Variants in CNTNAP2 observed in about 807,000 individuals in gnomAD.
CNTNAP2 encodes contactin associated protein 2, also known as contactin-associated protein-like 2.
Under a neutral mutation model 155.2 loss-of-function variants are expected in CNTNAP2, and 98 were observed. That is an observed-to-expected ratio of 0.63 (90% CI 0.54 to 0.75). The LOEUF is 0.75. Among genes scored for constraint, CNTNAP2 ranks in the 30% least tolerant of loss-of-function variants. The pLI, the probability that CNTNAP2 is intolerant of heterozygous loss-of-function variation, is 0.00. For missense variants in CNTNAP2, 1,727 were observed against 1,688.1 expected, an observed-to-expected ratio of 1.02 and a Z score of -0.40; for synonymous variants, 651 against 631.2, an observed-to-expected ratio of 1.03 and a Z score of -0.47.
chr7:147,031,747 A>C (rs1799037384), intron 3 of CNTNAP2, among the ~76,000 whole-genome samples: 1 of 152,144 alleles, frequency 6.6e-6, no homozygotes, highest in Non-Finnish European at 1.5e-5. Flanking sequence ...GTGAAACCTC[A>C]TCTCTACTAA....
chr7:148,014,673 G>C (rs758793974), intron 15 of CNTNAP2, among the ~76,000 whole-genome samples: 1 of 152,204 alleles, frequency 6.6e-6, no homozygotes, highest in Non-Finnish European at 1.5e-5. Context: ...TAAAGAGCTC[G>C]AAGAATGAAC....
chr7:146,330,914 G>A (rs1801173923), intron 1 of CNTNAP2, among the ~76,000 whole-genome samples: 1 of 152,124 alleles, frequency 6.6e-6, no homozygotes, highest in South Asian at 2.1e-4. Context: ...GAGGATTTCT[G>A]GAGAAAAGTA....
chr7:147,254,961 T>C (rs1459066882), intron 8 of CNTNAP2, among the ~76,000 whole-genome samples: 6 of 152,166 alleles, frequency 3.9e-5, no homozygotes, highest in Non-Finnish European at 1.5e-5. Context: ...AAATGTAGAA[T>C]TGCCTTTATT....
chr7:146,370,696 G>C (rs748158939), intron 1 of CNTNAP2, among the ~76,000 whole-genome samples: 6 of 151,850 alleles, frequency 4.0e-5, no homozygotes, highest in Non-Finnish European at 2.9e-5. Context: ...TAATATCAGC[G>C]TGCCTTGTTC....
At chr7:147,403,798 A>G (rs1796958416) in intron 10 of CNTNAP2, among the ~76,000 whole-genome samples, 1 of 152,154 alleles carries the variant, frequency 6.6e-6, no homozygotes, top group African/African-American at 2.4e-5. Flanking sequence ...CCATTGATCC[A>G]CTGGTAAGAC....
At chr7:147,632,672 G>A in intron 12 of CNTNAP2, among the ~76,000 whole-genome samples, 1 of 152,154 alleles carries the variant, frequency 6.6e-6, no homozygotes, top group South Asian at 2.1e-4. Flanking sequence ...TGGGTAGTGG[G>A]GTGCTGCTGT....
chr7:147,557,257 C>T (rs1169011788), intron 11 of CNTNAP2, among the ~76,000 whole-genome samples: 1 of 151,788 alleles, frequency 6.6e-6, no homozygotes, highest in Non-Finnish European at 1.5e-5. Context: ...GAGCCAGACT[C>T]CATCTCAAAA....
At chr7:147,864,957 C>T (rs1311972229) in intron 13 of CNTNAP2, among the ~76,000 whole-genome samples, 2 of 152,176 alleles carry the variant, frequency 1.3e-5, no homozygotes, top group East Asian at 1.9e-4. Context: ...TAATTCCCAA[C>T]ACTATGTTGA....
At chr7:147,778,783 T>A (rs1446406532) in intron 13 of CNTNAP2, among the ~76,000 whole-genome samples, 3 of 152,186 alleles carry the variant, frequency 2.0e-5, no homozygotes, top group Non-Finnish European at 2.9e-5. Context: ...AGTGCTGGGA[T>A]TACAGGCCTG....
At chr7:147,325,128 C>G (rs1218692064) in intron 9 of CNTNAP2, among the ~76,000 whole-genome samples, 1 of 151,932 alleles carries the variant, frequency 6.6e-6, no homozygotes, top group Non-Finnish European at 1.5e-5. Flanking sequence ...TATGGTGAAA[C>G]TCTGTACTAA....
chr7:147,332,159 A>G (rs1398786262), intron 9 of CNTNAP2, among the ~76,000 whole-genome samples: 1 of 152,194 alleles, frequency 6.6e-6, no homozygotes, highest in Non-Finnish European at 1.5e-5. Flanking sequence ...ACCTCACATT[A>G]ATGAAGAAGG....
At chr7:147,735,349 T>C (rs1796822739) in intron 13 of CNTNAP2, among the ~76,000 whole-genome samples, 1 of 152,198 alleles carries the variant, frequency 6.6e-6, no homozygotes, top group Admixed American at 6.5e-5. Flanking sequence ...AGTTTCTTAA[T>C]CCTGAGTTCT....
chr7:148,358,596 A>G (rs114824735), intron 21 of CNTNAP2, among the ~76,000 whole-genome samples: 2,534 of 152,278 alleles, frequency 0.017, 71 homozygotes, highest in African/African-American at 0.057. Flanking sequence ...TAGGGGTCCT[A>G]TGCTTTTGTT....
chr7:147,432,021 T>C lies in CNTNAP2; in HGVS notation c.1670+36241T>C, dbSNP rs1797474360. Among the ~76,000 whole-genome samples the C allele has an allele frequency of 5.3e-5, 8 of 152,344 alleles. No homozygotes were observed. The South Asian group carries it at 1.7e-3, about 32-fold the overall frequency. On this transcript the variant is annotated intron_variant, in intron 10 of 23. Coordinates refer to ENST00000361727, the MANE Select transcript of CNTNAP2 (RefSeq NM_014141.6). ...GCATCTCAAATGCATTTCCCATTTC[T>C]TATATCCTGAAATCTGACCTGCGCC...
intron 21 of CNTNAP2, among the ~76,000 whole-genome samples, chr7:148,312,089 G>C (rs189201357): frequency 1.2e-4 from 18 of 152,298 alleles, no homozygotes; most frequent in African/African-American, 3.8e-4. Flanking sequence ...AACACAGTTT[G>C]TGATTTTTTG....
At chr7:147,320,875 A>T (rs1176578121) in intron 9 of CNTNAP2, among the ~76,000 whole-genome samples, 1 of 152,194 alleles carries the variant, frequency 6.6e-6, no homozygotes, top group African/African-American at 2.4e-5. Context: ...ATGCTTTCAT[A>T]ACTGACCTCC....
intron 1 of CNTNAP2, among the ~76,000 whole-genome samples, chr7:146,362,572 T>C (rs1795097126): frequency 6.6e-6 from 1 of 152,002 alleles, no homozygotes; most frequent in East Asian, 1.9e-4. Context: ...AAAATACCCA[T>C]GTGACTAGAA....
chr7:148,023,764 A>G (rs1160916929), intron 15 of CNTNAP2, among the ~76,000 whole-genome samples: 1 of 152,174 alleles, frequency 6.6e-6, no homozygotes, highest in Non-Finnish European at 1.5e-5. Flanking sequence ...TAAAGTCCAC[A>G]CATCAATTTT....
chr7:147,845,151 A>G (rs1359767355), intron 13 of CNTNAP2, among the ~76,000 whole-genome samples: 1 of 88,316 alleles, frequency 1.1e-5, no homozygotes. Context: ...TATTGATTGG[A>G]ATAGTTTCAG....
Sources: gnomAD v4.1 joint callset for allele counts (sites outside exome capture counted in the v4.1 genomes callset) on GRCh38, gnomAD v4.1.1 for gene constraint, MANE v1.5 for transcripts, NCBI Gene and HGNC (gene_info 2026-07-23, HGNC 2026-07-21) for gene names.